SPATA6: variants seen among roughly 807,000 people sequenced by gnomAD.
The protein encoded by SPATA6 is spermatogenesis associated 6.
SPATA6 carries 56 observed loss-of-function variants against 65.3 expected under a neutral mutation model. The ratio of observed to expected loss-of-function variants is 0.86; its 90% CI spans 0.69 to 1.07. SPATA6 has a LOEUF of 1.07. Among genes scored for constraint, SPATA6 ranks in the 50% least tolerant of loss-of-function variants. SPATA6 has a pLI of 0.00. For missense variants in SPATA6, 590 were observed against 594.8 expected, an observed-to-expected ratio of 0.99 and a Z score of 0.08; for synonymous variants, 199 against 213.2, an observed-to-expected ratio of 0.93 and a Z score of 0.58.
At chr1:48,272,098 T>A in the SPATA6 span, among the ~76,000 whole-genome samples, 1 of 152,156 alleles carries the variant, frequency 6.6e-6, no homozygotes, top group Non-Finnish European at 1.5e-5. Flanking sequence ...AAGGCATAAC[T>A]TGACGTTTTG....
intron 11 of SPATA6, among the ~76,000 whole-genome samples, chr1:48,336,053 G>C (rs1004587137): frequency 6.6e-6 from 1 of 152,106 alleles, no homozygotes; most frequent in South Asian, 2.1e-4. Flanking sequence ...CTAATCATTA[G>C]AGAAATTCAA....
chr1:48,405,381 T>C (rs1651602015), intron 5 of SPATA6, among the ~76,000 whole-genome samples: 1 of 152,238 alleles, frequency 6.6e-6, no homozygotes, highest in African/African-American at 2.4e-5. Flanking sequence ...ACGTAATTTC[T>C]ATGGGTCAGA....
chr1:48,432,276 T>TA (rs957445781), intron 3 of SPATA6, among the ~76,000 whole-genome samples: 163 of 152,162 alleles, frequency 1.1e-3, no homozygotes, highest in African/African-American at 3.7e-3. Context: ...AAAAGCAATT[T>TA]AAAAAAATAC....
chr1:48,274,116 T>C, the SPATA6 span, among the ~76,000 whole-genome samples: 1 of 152,202 alleles, frequency 6.6e-6, no homozygotes, highest in African/African-American at 2.4e-5. Context: ...CTTTTTTTCA[T>C]ATGTTTGTTG....
chr1:48,351,392 C>T (rs1349748720), intron 11 of SPATA6, among the ~76,000 whole-genome samples: 4 of 151,876 alleles, frequency 2.6e-5, no homozygotes, highest in African/African-American at 4.8e-5. Flanking sequence ...GCTTTGTTTC[C>T]GAACTTTGAG....
chr1:48,442,641 G>C (rs192251256), intron 3 of SPATA6, among the ~76,000 whole-genome samples: 176 of 135,522 alleles, frequency 1.3e-3, no homozygotes, highest in Admixed American at 4.8e-3. Context: ...AAGAGAGAAA[G>C]GAAGAAACAG....
Position 48,413,135 on chromosome 1 carries a change from G to T in SPATA6, c.255C>A (p.Phe85Leu). The T allele has an allele frequency of 1.4e-6, 2 of 1,396,036 alleles. No individual in the cohort carries two copies. The highest frequency in any genetic ancestry group is 3.5e-5 in the South Asian group (2 of 57,656). 86.5% of individuals were successfully genotyped at this position (1,396,036 alleles called of 1,614,324 possible). Residue 85 changes from phenylalanine to leucine, a missense_variant, in exon 4 of 13, where the codon TTC (phenylalanine) becomes TTA (leucine). Transcript: ENST00000371847. Reference protein sequence around the residue: ...VTQLEYDTAVFELIQLVPPVG... With the variant: ...VTQLEYDTAVLELIQLVPPVG... Reference sequence around the variant, plus strand: ...CTGGTGGAACTAGCTGTATCAACTCGAACACTGCTGTATCATCTAAAAGTT... The same window carrying T: ...CTGGTGGAACTAGCTGTATCAACTCTAACACTGCTGTATCATCTAAAAGTT...
At chr1:48,341,331 C>T (rs1646209003) in intron 11 of SPATA6, among the ~76,000 whole-genome samples, 1 of 152,082 alleles carries the variant, frequency 6.6e-6, no homozygotes, top group Admixed American at 6.6e-5. Flanking sequence ...ATGGAAAATT[C>T]CAGAAATAAG....
At chr1:48,269,203 G>C in the SPATA6 span, among the ~76,000 whole-genome samples, 1 of 151,830 alleles carries the variant, frequency 6.6e-6, no homozygotes, top group Non-Finnish European at 1.5e-5. Context: ...TTTTTTCTCT[G>C]ATCAAATCCT....
At chr1:48,335,452 A>G (rs1186608599) in intron 11 of SPATA6, among the ~76,000 whole-genome samples, 1 of 152,154 alleles carries the variant, frequency 6.6e-6, no homozygotes, top group African/African-American at 2.4e-5. Flanking sequence ...ACATAGGCCA[A>G]TAGAACAGAA....
At chr1:48,381,486 T>C (rs1162298986) in intron 9 of SPATA6, among the ~76,000 whole-genome samples, 4 of 152,130 alleles carry the variant, frequency 2.6e-5, no homozygotes, top group African/African-American at 9.6e-5. Context: ...GATTATTTAA[T>C]TGTGCTATAC....
chr1:48,418,724 G>A (rs1016302933), intron 3 of SPATA6, among the ~76,000 whole-genome samples: 7 of 146,052 alleles, frequency 4.8e-5, no homozygotes, highest in African/African-American at 1.8e-4. Flanking sequence ...CCAGAAAAAA[G>A]CAAGAAAGCA....
At chr1:48,273,127 C>T in the SPATA6 span, among the ~76,000 whole-genome samples, 2 of 152,058 alleles carry the variant, frequency 1.3e-5, no homozygotes, top group Non-Finnish European at 2.9e-5. Context: ...GTAGCCTCAA[C>T]TCTTTATTTT....
At chr1:48,443,496 T>C (rs1655715677) in intron 3 of SPATA6, among the ~76,000 whole-genome samples, 2 of 152,188 alleles carry the variant, frequency 1.3e-5, no homozygotes, top group Admixed American at 1.3e-4. Context: ...TCAGACAGTT[T>C]GCAAGAAATA....
chr1:48,412,646 T>G (rs1343939348), intron 4 of SPATA6, among the ~76,000 whole-genome samples: 1 of 151,892 alleles, frequency 6.6e-6, no homozygotes, highest in Non-Finnish European at 1.5e-5. Flanking sequence ...TGAGACGGAG[T>G]CTCGCTCTGT....
chr1:48,279,982 C>A, the SPATA6 span, among the ~76,000 whole-genome samples: 2 of 152,234 alleles, frequency 1.3e-5, no homozygotes, highest in Non-Finnish European at 2.9e-5. Context: ...AACAAACTGT[C>A]TCTCAGACCA....
At chr1:48,386,615 A>T (rs1649495073) in intron 8 of SPATA6, among the ~76,000 whole-genome samples, 2 of 152,338 alleles carry the variant, frequency 1.3e-5, no homozygotes, top group South Asian at 4.1e-4. Context: ...CACCCAAGAG[A>T]TACTTCTCAA....
the SPATA6 span, among the ~76,000 whole-genome samples, chr1:48,265,943 C>T: frequency 2.0e-5 from 3 of 152,310 alleles, no homozygotes; most frequent in African/African-American, 7.2e-5. Flanking sequence ...AGGAAAAGTT[C>T]TTCACAAATT....
chr1:48,322,806 A>G (rs748805512), intron 11 of SPATA6, among the ~76,000 whole-genome samples: 2 of 152,266 alleles, frequency 1.3e-5, no homozygotes, highest in Non-Finnish European at 2.9e-5. Flanking sequence ...TGCAGCCAAC[A>G]AACTTATGAA....
Sources: gnomAD v4.1 joint callset for allele counts (sites outside exome capture counted in the v4.1 genomes callset) on GRCh38, gnomAD v4.1.1 for gene constraint, MANE v1.5 for transcripts, NCBI Gene and HGNC (gene_info 2026-07-23, HGNC 2026-07-21) for gene names.